SCAPER: variants seen among roughly 807,000 people sequenced by gnomAD.
SCAPER encodes S-phase cyclin A associated protein in the ER.
A neutral mutation model predicts 182.2 loss-of-function variants in SCAPER; 98 were observed. The observed-to-expected ratio is 0.54, with a 90% confidence interval of 0.46 to 0.64. The LOEUF (loss-of-function observed/expected upper bound fraction) is 0.64, where lower values mean the gene tolerates loss of function less well. Ranked by LOEUF, SCAPER falls within the 30% of genes least tolerant of loss-of-function variation. The pLI, the probability that SCAPER is intolerant of heterozygous loss-of-function variation, is 0.00. For missense variants in SCAPER, 1,432 were observed against 1,690.0 expected (o/e 0.85, Z 2.68); for synonymous variants, 605 against 564.6 (o/e 1.07, Z -1.01).
intron 5 of SCAPER, among the ~76,000 whole-genome samples, chr15:76,814,636 T>C (rs1343755747): frequency 1.3e-5 from 2 of 152,116 alleles, no homozygotes; most frequent in East Asian, 1.9e-4. Flanking sequence ...GATGTAAACA[T>C]GAGACCTGAA....
At chr15:76,881,759 T>G (rs1462627910) in intron 2 of SCAPER, among the ~76,000 whole-genome samples, 1 of 152,142 alleles carries the variant, frequency 6.6e-6, no homozygotes, top group Non-Finnish European at 1.5e-5. Context: ...GTATAGAGTT[T>G]CAATATTTCA....
chr15:76,711,762 C>A (rs1395582115), intron 17 of SCAPER, among the ~76,000 whole-genome samples: 3 of 152,028 alleles, frequency 2.0e-5, no homozygotes, highest in Admixed American at 2.0e-4. Flanking sequence ...TTCATATCCT[C>A]CCCCCATTTT....
At chr15:76,509,740 A>T (rs2041876834) in intron 23 of SCAPER, among the ~76,000 whole-genome samples, 1 of 152,188 alleles carries the variant, frequency 6.6e-6, no homozygotes, top group Non-Finnish European at 1.5e-5. Flanking sequence ...AATCACATGG[A>T]ACCAAAAAAG....
intron 1 of SCAPER, among the ~76,000 whole-genome samples, chr15:76,889,498 C>CA (rs1568415106): frequency 1.3e-5 from 2 of 151,036 alleles, no homozygotes; most frequent in African/African-American, 4.9e-5. Flanking sequence ...AAATGGAGAG[C>CA]AAAAAAAAGC....
At position 76,905,330 on chromosome 15, in the gene SCAPER, C is replaced by G. The variant is rs1310346898; in HGVS notation, c.-91G>C. 4.1e-6 allele frequency: 1 copy of G among 241,892 alleles called. No homozygotes were observed. 15.0% of individuals were successfully genotyped at this position (241,892 alleles called of 1,614,324 possible). A position where few individuals can be genotyped will look rare whatever the true frequency, so the allele number is the denominator to read the frequency against. The stretch of plus-strand genomic sequence containing the variant: ...CCGCCCTGCTTAGTTCGGGGCGGCT[C>G]AAAGCGTCCCGCCGGGAAAGGGGCG... On this transcript the variant is annotated 5_prime_UTR_variant, in exon 1 of 32. Coordinates refer to ENST00000563290, the MANE Select transcript of SCAPER (RefSeq NM_020843.4).
chr15:76,476,038 C>T (rs1326058384), intron 24 of SCAPER, among the ~76,000 whole-genome samples: 3 of 152,162 alleles, frequency 2.0e-5, no homozygotes, highest in Non-Finnish European at 4.4e-5. Context: ...TTCTCCCCTA[C>T]ACAAACAGTA....
chr15:76,712,830 G>T (rs1486052480), intron 17 of SCAPER, among the ~76,000 whole-genome samples: 1 of 144,848 alleles, frequency 6.9e-6, no homozygotes, highest in Non-Finnish European at 1.5e-5. Context: ...AGCTTAAGGA[G>T]ATTTTGGGCT....
intron 1 of SCAPER, among the ~76,000 whole-genome samples, chr15:76,890,553 A>C (rs576199005): frequency 3.3e-5 from 5 of 152,342 alleles, no homozygotes; most frequent in African/African-American, 9.6e-5. Flanking sequence ...TACACAAATA[A>C]ATTAGAAAAA....
At position 76,604,128 on chromosome 15, in the gene SCAPER, G is replaced by A. The variant is rs1409936998; in HGVS notation, c.2711+17636C>T. Among the ~76,000 whole-genome samples the A allele has an allele frequency of 1.7e-5, 2 of 119,956 alleles. 1 individual carries two copies. Among genetic ancestry groups the A allele is most frequent in the Non-Finnish European group, 4.0e-5 (2 of 49,502 alleles). 78.7% of individuals were successfully genotyped at this position (119,956 alleles called of 152,430 possible). A position where few individuals can be genotyped will look rare whatever the true frequency, so the allele number is the denominator to read the frequency against. On this transcript the variant is annotated intron_variant, in intron 22 of 31. Coordinates refer to ENST00000563290, the MANE Select transcript of SCAPER (RefSeq NM_020843.4). Reference sequence around the variant, plus strand: ...CCTATGTCCTGAATGGTATTGCCTAGGTTTTCTTCTAGGGTTTTTATGGTT... The same window carrying A: ...CCTATGTCCTGAATGGTATTGCCTAAGTTTTCTTCTAGGGTTTTTATGGTT...
chr15:76,431,546 G>A (rs148380837), intron 26 of SCAPER, among the ~76,000 whole-genome samples: 11 of 151,948 alleles, frequency 7.2e-5, no homozygotes, highest in African/African-American at 2.4e-4. Context: ...CAGCTCCAAC[G>A]ACTGTACTGG....
intron 17 of SCAPER, among the ~76,000 whole-genome samples, chr15:76,725,412 T>TAC: frequency 8.0e-6 from 1 of 125,112 alleles, no homozygotes; most frequent in Non-Finnish European, 1.9e-5. Context: ...TCTTAGTGTA[T>TAC]ACATTAAAAA....
chr15:76,735,198 A>G (rs1265667805), intron 15 of SCAPER, among the ~76,000 whole-genome samples: 2 of 151,686 alleles, frequency 1.3e-5, no homozygotes, highest in East Asian at 1.9e-4. Flanking sequence ...AAATATATAC[A>G]GATAGATAGA....
intron 2 of SCAPER, among the ~76,000 whole-genome samples, chr15:76,867,652 T>C (rs2072394972): frequency 6.6e-6 from 1 of 152,188 alleles, no homozygotes. Flanking sequence ...ATATATCAAG[T>C]CTTACCGAGT....
Position 76,848,331 on chromosome 15 carries a change from T to TTG in SCAPER, c.196-6401_196-6400insCA, listed in dbSNP as rs1568327523. ...ATTGTGTTTTTTTTGGGGTTTTTTT[T>TTG]TTTTTTTTTTTTTTTGACACAGAGT... On this transcript the variant is annotated intron_variant, in intron 4 of 31. Transcript: ENST00000563290. Among the ~76,000 whole-genome samples, 5 of 142,116 alleles carry TTG rather than the reference T, an allele frequency of 3.5e-5. No individual in the cohort carries two copies. The Admixed American group carries it at 3.5e-4, about 10-fold the overall frequency. 93.2% of individuals were successfully genotyped at this position (142,116 alleles called of 152,430 possible).
At chr15:76,420,013 T>C (rs1321483054) in intron 26 of SCAPER, among the ~76,000 whole-genome samples, 2 of 152,046 alleles carry the variant, frequency 1.3e-5, no homozygotes, top group Non-Finnish European at 2.9e-5. Flanking sequence ...ATACACCACA[T>C]GAACAGAAAG....
intron 21 of SCAPER, among the ~76,000 whole-genome samples, chr15:76,634,576 A>T (rs1422701656): frequency 6.6e-6 from 1 of 152,050 alleles, no homozygotes; most frequent in Non-Finnish European, 1.5e-5. Context: ...AAAGCATGAA[A>T]CACAGAATGT....
chr15:76,391,980 G>A (rs918557885), intron 27 of SCAPER, among the ~76,000 whole-genome samples: 1 of 152,148 alleles, frequency 6.6e-6, no homozygotes, highest in Non-Finnish European at 1.5e-5. Context: ...CTAAGGCTTT[G>A]GGTCTTAAAA....
At chr15:76,630,175 T>A (rs1279005883) in intron 21 of SCAPER, among the ~76,000 whole-genome samples, 2 of 152,160 alleles carry the variant, frequency 1.3e-5, no homozygotes, top group Admixed American at 1.3e-4. Flanking sequence ...TGTGTCTACT[T>A]GATTCTTCTC....
intron 22 of SCAPER, among the ~76,000 whole-genome samples, chr15:76,596,777 T>C (rs1028770538): frequency 4.1e-5 from 5 of 120,850 alleles, no homozygotes; most frequent in African/African-American, 1.3e-4. Flanking sequence ...TGCTAAAAAC[T>C]CTCAATAAAG....
Sources: allele counts gnomAD v4.1 joint callset (sites outside exome capture counted in the v4.1 genomes callset), GRCh38; gene constraint gnomAD v4.1.1; transcripts MANE v1.5; gene names NCBI Gene and HGNC (gene_info 2026-07-23, HGNC 2026-07-21).